CSRNP2: variants seen among roughly 807,000 people sequenced by gnomAD.
CSRNP2 encodes cysteine and serine rich nuclear protein 2, also known as cysteine/serine-rich nuclear protein 2.
CSRNP2 carries 11 observed loss-of-function variants against 36.6 expected under a neutral mutation model. That is an observed-to-expected ratio of 0.30 (90% confidence interval 0.19 to 0.50). The LOEUF (loss-of-function observed/expected upper bound fraction) is 0.50. Ranked by LOEUF, CSRNP2 falls within the 20% of genes least tolerant of loss-of-function variation. CSRNP2 has a pLI of 0.98. For missense variants in CSRNP2, 483 were observed against 691.4 expected, an observed-to-expected ratio of 0.70 and a Z score of 3.38; for synonymous variants, 248 against 275.3, an observed-to-expected ratio of 0.90 and a Z score of 0.98.
At chr12:51,069,624 G>C (rs1938860519) in intron 3 of CSRNP2, among the ~76,000 whole-genome samples, 1 of 150,096 alleles carries the variant, frequency 6.7e-6, no homozygotes, top group Admixed American at 6.6e-5. Context: ...AAAGCTGTAT[G>C]TGAGGAAAGG....
intron 1 of CSRNP2, among the ~76,000 whole-genome samples, chr12:51,080,127 A>AGCAGGCAGGCAGGCAG (rs138392211): frequency 3.6e-5 from 5 of 137,832 alleles, no homozygotes; most frequent in African/African-American, 5.5e-5. Flanking sequence ...GAAGAAGGCA[A>AGCAGGCAGGCAGGCAG]GCAGGCAGGC....
At position 51,067,083 on chromosome 12, in the gene CSRNP2, G is replaced by T. The variant is rs573523642; in HGVS notation, c.708+590C>A. The stretch of plus-strand genomic sequence containing the variant: ...GGGAAGCAATCTGCCTGCCTGCCTC[G>T]GCCTCCCAAAGTGCTGGGATTACAG... On this transcript the variant is annotated intron_variant, in intron 4 of 4. Transcript: ENST00000228515. The surrounding 1 kb of genome is among the most constrained non-coding windows in gnomAD (Gnocchi z 4.1). Among the ~76,000 whole-genome samples the T allele has an allele frequency of 2.6e-5, 4 of 151,970 alleles. No homozygotes were observed. The highest frequency in any genetic ancestry group is 9.7e-5 in the African/African-American group (4 of 41,364).
intron 2 of CSRNP2, among the ~76,000 whole-genome samples, chr12:51,076,115 C>T (rs1012111715): frequency 1.3e-5 from 2 of 152,168 alleles, no homozygotes; most frequent in African/African-American, 4.8e-5. Flanking sequence ...TATCCTGCTA[C>T]AGCTACAATT....
In CSRNP2 at chr12:51,063,920, G is replaced by C. The variant is rs373706626; in HGVS notation, c.1458C>G (p.Pro486=). The C allele has an allele frequency of 8.1e-6, 13 of 1,613,814 alleles. No individual in the cohort carries two copies. The highest frequency in any genetic ancestry group is 1.7e-5 in the Admixed American group (1 of 59,982). Residue 486 remains proline (P), a synonymous_variant, in exon 5 of 5, where the codon CCC becomes CCG. Coordinates refer to ENST00000228515, the MANE Select transcript of CSRNP2 (RefSeq NM_030809.3). The part of the protein sequence containing the change: ...GKTPTLEALL[P]EDCNPEEPEN... The stretch of plus-strand genomic sequence containing the variant: ...CAGGCTCCTCAGGGTTACAATCTTC[G>C]GGCAATAGAGCTTCTAGGGTGGGTG...
At chr12:51,066,720 T>C (rs1297835180) in intron 4 of CSRNP2, among the ~76,000 whole-genome samples, 1 of 152,142 alleles carries the variant, frequency 6.6e-6, no homozygotes, top group African/African-American at 2.4e-5. Flanking sequence ...CTAGGCCAGG[T>C]CTGATCCTGA....
At chr12:51,069,680 GTTTT>G (rs556466810) in intron 3 of CSRNP2, among the ~76,000 whole-genome samples, 7 of 141,742 alleles carry the variant, frequency 4.9e-5, no homozygotes, top group East Asian at 4.0e-4. Flanking sequence ...AGAAATCTGG[GTTTT>G]TTTTTTTCTT....
chr12:51,078,888 T>C (rs1939503096), intron 1 of CSRNP2, among the ~76,000 whole-genome samples: 1 of 152,196 alleles, frequency 6.6e-6, no homozygotes, highest in African/African-American at 2.4e-5. Flanking sequence ...ACCCAAAGGA[T>C]TATAAATCAT....
At chr12:51,066,141 G>A (rs565552257) in intron 4 of CSRNP2, among the ~76,000 whole-genome samples, 83 of 151,976 alleles carry the variant, frequency 5.5e-4, no homozygotes, top group African/African-American at 2.0e-3. Flanking sequence ...CCAACATGAT[G>A]AAACCCTGTC....
chr12:51,064,196 A>G lies in CSRNP2; in HGVS notation c.1182T>C (p.Phe394=), dbSNP rs369265689. Residue 394 remains phenylalanine (F), a synonymous_variant, in exon 5 of 5, where the codon TTT becomes TTC. Coordinates refer to ENST00000228515, the MANE Select transcript of CSRNP2 (RefSeq NM_030809.3). ...QLPPGSSVLC[F]TENSDHPTAS... Reference sequence around the variant, plus strand: ...CAGTTGGGTGGTCTGAGTTCTCGGTAAAACACAGGACAGAGGAGCCTGGGG... The same window carrying G: ...CAGTTGGGTGGTCTGAGTTCTCGGTGAAACACAGGACAGAGGAGCCTGGGG... 73 of 1,614,068 alleles carry G rather than the reference A, an allele frequency of 4.5e-5. No homozygotes were observed. Among genetic ancestry groups the G allele is most frequent in the Non-Finnish European group, 5.6e-5 (66 of 1,180,030 alleles).
At chr12:51,077,714 A>G (rs1485930507) in intron 1 of CSRNP2, among the ~76,000 whole-genome samples, 2 of 152,232 alleles carry the variant, frequency 1.3e-5, no homozygotes, top group African/African-American at 4.8e-5. Flanking sequence ...GCTCCATAAA[A>G]TAGGGCTCAT....
Position 51,064,347 on chromosome 12 carries a change from C to A in CSRNP2, c.1031G>T (p.Gly344Val). The change falls in exon 5 of 5, where the codon GGC becomes GTC. Residue 344 changes from glycine (G) to valine (V), a missense_variant. Physicochemically the swap from Gly to Val is moderately radical, Grantham distance 109. This residue lies in a region of CSRNP2 where 277 missense variants were observed against 323.6 expected (regional missense o/e 0.86). Coordinates refer to ENST00000228515, the MANE Select transcript of CSRNP2 (RefSeq NM_030809.3). ...GCTCGAGTCCAGGCTGGCACTAGAG[C>A]CGCTGGAATCTTCTTCTGCCTTGAG... The part of the protein sequence containing the change: ...ERLKAEEDSS[G>V]SSASLDSSIE... The A allele has an allele frequency of 6.2e-7, 1 of 1,614,200 alleles. No individual in the cohort carries two copies. Among genetic ancestry groups the A allele is most frequent in the Non-Finnish European group, 8.5e-7 (1 of 1,180,042 alleles).
At chr12:51,077,818 G>A (rs541630637) in intron 1 of CSRNP2, among the ~76,000 whole-genome samples, 13 of 152,314 alleles carry the variant, frequency 8.5e-5, no homozygotes, top group Admixed American at 3.3e-4. Flanking sequence ...AATAGCAAGA[G>A]AAGTAACTAT....
chr12:51,064,046 T>C lies in CSRNP2; in HGVS notation c.1332A>G (p.Pro444=). The change falls in exon 5 of 5, where the codon CCA becomes CCG. Residue 444 remains proline (P), a synonymous_variant. Transcript: ENST00000228515. ...PGTEEGSASF[P]KEKDLNVFSL... is the part of the protein sequence containing the mutation. ...AGAAGACATTCAGATCCTTCTCCTT[T>C]GGGAAAGAGGCTGAGCCTTCTTCCG... 1 of 1,614,242 alleles carries C rather than the reference T, an allele frequency of 6.2e-7. No individual in the cohort carries two copies. The highest frequency in any genetic ancestry group is 8.5e-7 in the Non-Finnish European group (1 of 1,180,044).
rs1294780613 is a variant in CSRNP2, at chr12:51,063,821, C to T, written c.1557G>A (p.Gly519=). The T allele has an allele frequency of 6.2e-7, 1 of 1,611,722 alleles. No homozygotes were observed. The highest frequency in any genetic ancestry group is 8.5e-7 in the Non-Finnish European group (1 of 1,178,974). The change falls in exon 5 of 5, where the codon GGG becomes GGA. Residue 519 remains glycine (G), a synonymous_variant. Transcript: ENST00000228515. ...CATTCTGCTGGGAGGTCTTCACCATCCCACAGCCCTCTTCATTGTCCGTGC... is the reference window on the plus strand; with the variant it reads ...CATTCTGCTGGGAGGTCTTCACCATTCCACAGCCCTCTTCATTGTCCGTGC... ...PFRTDNEEGC[G]MVKTSQQNED...
intron 4 of CSRNP2, among the ~76,000 whole-genome samples, chr12:51,066,157 T>C (rs1265654742): frequency 3.3e-5 from 5 of 151,160 alleles, no homozygotes; most frequent in Non-Finnish European, 7.4e-5. Flanking sequence ...CTGTCTCTAC[T>C]AAAAATACAA....
At chr12:51,077,964 C>T (rs183878761) in intron 1 of CSRNP2, among the ~76,000 whole-genome samples, 3 of 152,290 alleles carry the variant, frequency 2.0e-5, no homozygotes, top group East Asian at 1.9e-4. Flanking sequence ...CAGAAGGACA[C>T]GAATCTGCTC....
rs1306899310 is a variant in CSRNP2, at chr12:51,064,586, C to A, written c.792G>T (p.Arg264=). 8.7e-6 allele frequency: 14 copies of A among 1,600,730 alleles called. No individual in the cohort carries two copies. The highest frequency in any genetic ancestry group is 1.8e-5 in the Admixed American group (1 of 56,808). ...MAGRIEFNPI[R]VRTHYLHTIM... is the part of the protein sequence containing the mutation. ...TGGTGTGGAGGTAATGAGTCCGGAC[C>A]CGGATTGGATTAAATTCAATGCGTC... Residue 264 remains arginine, a synonymous_variant, in exon 5 of 5, where the codon CGG becomes CGT. Transcript: ENST00000228515.
At chr12:51,077,040 T>C (rs908079458) in intron 1 of CSRNP2, among the ~76,000 whole-genome samples, 7 of 62,350 alleles carry the variant, frequency 1.1e-4, no homozygotes, top group African/African-American at 2.8e-4. Flanking sequence ...GCTTGTTTGG[T>C]TGGCAAAAAA....
chr12:51,063,784 G>A lies in CSRNP2; in HGVS notation c.1594C>T (p.Pro532Ser). The A allele has an allele frequency of 6.3e-7, 1 of 1,587,694 alleles. No homozygotes were observed. The highest frequency in any genetic ancestry group is 1.1e-5 in the South Asian group (1 of 88,176). The stretch of plus-strand genomic sequence containing the variant: ...GGGAGTTCTAAGGAAGAATCTTCAG[G>A]GGGCCGATCCTCATTCTGCTGGGAG... ...KTSQQNEDRP[P>S]EDSSLELPLA... Residue 532 changes from proline (P) to serine (S), a missense_variant, in exon 5 of 5, where the codon CCT becomes TCT. By Grantham distance (74) the Pro-to-Ser change is moderately conservative (BLOSUM62 -1). Around this residue, in one of 2 missense-constraint regions of CSRNP2, gnomAD observed 277 missense variants for 323.6 expected, o/e 0.86. Transcript: ENST00000228515.
Sources: gnomAD v4.1 joint callset for allele counts (sites outside exome capture counted in the v4.1 genomes callset) on GRCh38, gnomAD v4.1.1 for gene constraint, gnomAD v4.1.1 regional missense constraint, Gnocchi (gnomAD v3.1) non-coding constraint, MANE v1.5 for transcripts, NCBI Gene and HGNC (gene_info 2026-07-23, HGNC 2026-07-21) for gene names.